ZNF407: variants seen among roughly 807,000 people sequenced by gnomAD.
ZNF407 encodes zinc finger protein 407.
In ZNF407, 17 loss-of-function variants were observed where a neutral mutation model predicts 131.2. The observed-to-expected ratio is 0.13, with a 90% CI of 0.09 to 0.19. ZNF407 has a LOEUF of 0.19. ZNF407 is among the 10% of genes least tolerant of loss of function. ZNF407 has a pLI of 1.00. For synonymous variants in ZNF407, 1,156 were observed against 1,062.0 expected (o/e 1.09, Z -1.72); for missense variants, 2,681 against 2,830.6 (o/e 0.95, Z 1.20).
chr18:74,958,246 C>T (rs899929980), intron 8 of ZNF407, among the ~76,000 whole-genome samples: 14 of 152,154 alleles, frequency 9.2e-5, no homozygotes, highest in African/African-American at 3.1e-4. Context: ...AGAACACTGT[C>T]GTCGTTGTCA....
intron 4 of ZNF407, among the ~76,000 whole-genome samples, chr18:74,850,971 A>T (rs1568240993): frequency 6.6e-6 from 1 of 152,228 alleles, no homozygotes; most frequent in Non-Finnish European, 1.5e-5. Context: ...CAAACTGTAT[A>T]TCTGGAGGTC....
In ZNF407 at chr18:74,633,334, A is replaced by G; in HGVS notation, c.2315A>G (p.Glu772Gly). ...AAAAATAATATTGGCTTAAGCTTTG[A>G]AGAATGTATTGAAAGGGTATGTATA... ...AKKNNIGLSFEECIERVCIGA... is the reference protein window; with the variant it reads ...AKKNNIGLSFGECIERVCIGA... Residue 772 changes from glutamate (E) to glycine (G), a missense_variant, in exon 2 of 9, where the codon GAA (glutamate) becomes GGA (glycine). Physicochemically the swap from Glu to Gly is moderately conservative, Grantham distance 98. Around this residue, in one of 6 missense-constraint regions of ZNF407, gnomAD observed 1,789 missense variants for 1,748.7 expected, o/e 1.02. Coordinates refer to ENST00000299687, the MANE Select transcript of ZNF407 (RefSeq NM_017757.3). The G allele has an allele frequency of 6.2e-7, 1 of 1,613,504 alleles. No homozygotes were observed. The highest frequency in any genetic ancestry group is 8.5e-7 in the Non-Finnish European group (1 of 1,179,808).
At chr18:74,786,791 ATGT>A (rs1568215396) in intron 4 of ZNF407, among the ~76,000 whole-genome samples, 1 of 77,694 alleles carries the variant, frequency 1.3e-5, no homozygotes, top group Non-Finnish European at 2.6e-5. Flanking sequence ...GTAAAAAAGT[ATGT>A]TTTTTTTTTT....
intron 1 of ZNF407, among the ~76,000 whole-genome samples, chr18:74,611,906 A>G (rs2144620599): frequency 6.6e-6 from 1 of 152,280 alleles, no homozygotes; most frequent in Non-Finnish European, 1.5e-5. Context: ...TACCCTAGAG[A>G]AACTCATGCG....
intron 4 of ZNF407, among the ~76,000 whole-genome samples, chr18:74,836,920 C>T (rs1473860643): frequency 6.6e-6 from 1 of 152,090 alleles, no homozygotes; most frequent in African/African-American, 2.4e-5. Context: ...CCTGGGGAAG[C>T]TTTTATTTGG....
rs183700742 is a variant in ZNF407 at position 74,684,490 on chromosome 18, C to T, written c.4802+43368C>T. ...TAAATTTTGTTTCATAGCTACTGTC[C>T]GGTATTCCCAAACGCACCGAGTCAC... On this transcript the variant is annotated intron_variant, in intron 3 of 8. Transcript: ENST00000299687. 1.1e-3 allele frequency among the ~76,000 whole-genome samples: 165 copies of T among 152,138 alleles called. 3 individuals carry two copies. The East Asian group carries it at 0.029, about 27-fold the overall frequency.
chr18:74,622,073 T>G (rs1003715666), intron 1 of ZNF407, among the ~76,000 whole-genome samples: 4 of 151,044 alleles, frequency 2.6e-5, no homozygotes, highest in Admixed American at 6.6e-5. Context: ...TGGAAGAGTG[T>G]TTTTTTTTCC....
intron 3 of ZNF407, among the ~76,000 whole-genome samples, chr18:74,744,597 G>A (rs1968624571): frequency 6.6e-6 from 1 of 152,078 alleles, no homozygotes; most frequent in African/African-American, 2.4e-5. Flanking sequence ...CAAGTTTGTG[G>A]ACAGGACCAA....
At chr18:74,963,122 T>C (rs896767782) in intron 8 of ZNF407, among the ~76,000 whole-genome samples, 4 of 151,694 alleles carry the variant, frequency 2.6e-5, no homozygotes, top group South Asian at 4.2e-4. Flanking sequence ...CTCTAATTTT[T>C]CTCTCATTTC....
intron 8 of ZNF407, among the ~76,000 whole-genome samples, chr18:74,986,224 C>A (rs1036667412): frequency 6.6e-6 from 1 of 151,254 alleles, no homozygotes; most frequent in Non-Finnish European, 1.5e-5. Context: ...TTTCTGCTGA[C>A]GTTTGACAAC....
Position 74,635,245 on chromosome 18 carries a change from G to A in ZNF407, c.4226G>A (p.Gly1409Asp). ...KKKKSEGSSI[G>D]ESTRIRCDDC... is the part of the protein sequence containing the mutation. ...AAGAAATCTGAGGGCAGTTCCATTG[G>A]TGAGTCTACACGAATTCGCTGTGAT... Residue 1409 changes from glycine to aspartate, a missense_variant, in exon 2 of 9, where the codon GGT becomes GAT. Transcript: ENST00000299687. The surrounding 1 kb of genome is among the most constrained non-coding windows in gnomAD (Gnocchi z 4.7). The A allele has an allele frequency of 1.9e-6, 3 of 1,613,986 alleles. No individual in the cohort carries two copies. In the African/African-American group the frequency reaches 4.0e-5, roughly 22 times the overall value.
At chr18:74,729,535 C>T (rs1968242921) in intron 3 of ZNF407, among the ~76,000 whole-genome samples, 1 of 151,534 alleles carries the variant, frequency 6.6e-6, no homozygotes, top group South Asian at 2.1e-4. Context: ...TTCGTTGGTT[C>T]CCTCATTCGT....
intron 3 of ZNF407, among the ~76,000 whole-genome samples, chr18:74,669,107 G>T (rs953148293): frequency 8.5e-5 from 13 of 152,104 alleles, no homozygotes; most frequent in African/African-American, 3.1e-4. Context: ...TGACTCAGGT[G>T]GTTGGCGTCC....
At chr18:74,612,830 G>A (rs1983123202) in intron 1 of ZNF407, among the ~76,000 whole-genome samples, 1 of 152,196 alleles carries the variant, frequency 6.6e-6, no homozygotes, top group Admixed American at 6.5e-5. Context: ...CTGAGTCACT[G>A]CCATGCAGGG....
Position 75,064,040 on chromosome 18 carries a change from G to A in ZNF407, c.6319G>A (p.Val2107Met), listed in dbSNP as rs1293577472. ...CAAGGACGGTGTCACCCAGGTGGTG[G>A]TGAGCGAAGAGGGTGCCGTCCACAT... Reference protein sequence around the residue: ...LVKDGVTQVVVSEEGAVHMVA... With the variant: ...LVKDGVTQVVMSEEGAVHMVA... The change falls in exon 9 of 9, where the codon GTG becomes ATG. Residue 2107 changes from valine to methionine, a missense_variant. Val to Met is a conservative substitution (Grantham distance 21). Transcript: ENST00000299687. The A allele has an allele frequency of 6.2e-7, 1 of 1,600,376 alleles. No individual in the cohort carries two copies. The highest frequency in any genetic ancestry group is 1.1e-5 in the South Asian group (1 of 88,856).
chr18:75,049,767 C>A (rs781245009), intron 8 of ZNF407, among the ~76,000 whole-genome samples: 27 of 152,130 alleles, frequency 1.8e-4, no homozygotes, highest in Non-Finnish European at 3.2e-4. Context: ...CATTTTAAGT[C>A]CCCAGTTATT....
intron 3 of ZNF407, among the ~76,000 whole-genome samples, chr18:74,780,732 A>G (rs183876790): frequency 5.3e-5 from 8 of 152,158 alleles, no homozygotes; most frequent in African/African-American, 1.9e-4. Context: ...GCATGACGTA[A>G]ATAAATTGAT....
chr18:74,613,685 C>T (rs1983161874), intron 1 of ZNF407, among the ~76,000 whole-genome samples: 1 of 152,178 alleles, frequency 6.6e-6, no homozygotes, highest in Admixed American at 6.5e-5. Context: ...CTTCTAGTTT[C>T]AGTTACATTT....
At chr18:74,912,593 C>G (rs536054290) in intron 7 of ZNF407, among the ~76,000 whole-genome samples, 17 of 152,190 alleles carry the variant, frequency 1.1e-4, no homozygotes, top group Admixed American at 9.2e-4. Flanking sequence ...AGTCTGGATC[C>G]ACATTTAACT....
Sources: gnomAD v4.1 joint callset for allele counts (sites outside exome capture counted in the v4.1 genomes callset) on GRCh38, gnomAD v4.1.1 for gene constraint, gnomAD v4.1.1 regional missense constraint, Gnocchi (gnomAD v3.1) non-coding constraint, MANE v1.5 for transcripts, NCBI Gene and HGNC (gene_info 2026-07-23, HGNC 2026-07-21) for gene names.